Variants in WHRN observed in about 807,000 individuals in gnomAD.
WHRN encodes the protein CASK-interacting protein CIP98.
In WHRN, 41 loss-of-function variants were observed where a neutral mutation model predicts 68.3. The observed-to-expected ratio is 0.60, with a 90% CI of 0.47 to 0.78. The LOEUF is 0.78. WHRN is among the 30% of genes least tolerant of loss of function. The pLI, the probability that WHRN is intolerant of heterozygous loss-of-function variation, is 0.00. For synonymous variants in WHRN, 560 were observed against 561.3 expected (o/e 1.00, Z 0.03); for missense variants, 1,243 against 1,244.7 (o/e 1.00, Z 0.02).
rs183830060 is a variant in WHRN, at chr9:114,455,514, C to T, written c.963+10753G>A. 2.5e-4 allele frequency among the ~76,000 whole-genome samples: 38 copies of T among 152,100 alleles called. No individual in the cohort carries two copies. The East Asian group carries it at 5.2e-3, about 21-fold the overall frequency. On this transcript the variant is annotated intron_variant, in intron 3 of 11. Transcript: ENST00000362057. ...TTGCTTGAGCCCAGGAGTTCAAGACCAGCCTGGGCAACATGACAAAACTCT... is the reference window on the plus strand; with the variant it reads ...TTGCTTGAGCCCAGGAGTTCAAGACTAGCCTGGGCAACATGACAAAACTCT...
intron 3 of WHRN, among the ~76,000 whole-genome samples, chr9:114,453,530 T>C (rs1041228942): frequency 6.6e-6 from 1 of 152,212 alleles, no homozygotes; most frequent in African/African-American, 2.4e-5. Flanking sequence ...GTAGTCCTAA[T>C]GAAGGTGACA....
At chr9:114,494,343 T>C (rs1429207233) in intron 1 of WHRN, among the ~76,000 whole-genome samples, 1 of 152,260 alleles carries the variant, frequency 6.6e-6, no homozygotes, top group Non-Finnish European at 1.5e-5. Flanking sequence ...GACCAATAGA[T>C]GCACCCAGTG....
chr9:114,418,921 C>T (rs376325721), intron 7 of WHRN, among the ~76,000 whole-genome samples: 52 of 152,296 alleles, frequency 3.4e-4, no homozygotes, highest in African/African-American at 1.2e-3. Context: ...TCAACTCCAT[C>T]GTGGAAAGGA....
At chr9:114,482,164 ACAGTAGGTCCT>A (rs1435017987) in intron 1 of WHRN, among the ~76,000 whole-genome samples, 2 of 152,092 alleles carry the variant, frequency 1.3e-5, no homozygotes, top group African/African-American at 4.8e-5. Context: ...CATCTGGTGC[ACAGTAGGTCCT>A]CAATGATGCT....
At chr9:114,486,949 GTGTGTGTGTGTATATATATATA>G (rs1842561812) in intron 1 of WHRN, among the ~76,000 whole-genome samples, 2 of 77,282 alleles carry the variant, frequency 2.6e-5, no homozygotes, top group African/African-American at 1.8e-4. Context: ...TGTTGTGTGT[GTGTGTGTGTGTATATATATATA>G]TATATATATA....
At chr9:114,453,030 AGG>A (rs1055308215) in intron 3 of WHRN, among the ~76,000 whole-genome samples, 2 of 152,204 alleles carry the variant, frequency 1.3e-5, no homozygotes, top group African/African-American at 4.8e-5. Context: ...TCATGGAGGA[AGG>A]GGTGTGGTTA....
chr9:114,419,006 T>A (rs1034400733), intron 7 of WHRN, among the ~76,000 whole-genome samples: 2 of 152,078 alleles, frequency 1.3e-5, no homozygotes, highest in African/African-American at 4.8e-5. Context: ...CAATATTTGT[T>A]AACAGAAAGG....
At chr9:114,484,941 G>C (rs971767916) in intron 1 of WHRN, among the ~76,000 whole-genome samples, 1 of 152,146 alleles carries the variant, frequency 6.6e-6, no homozygotes, top group Admixed American at 6.5e-5. Flanking sequence ...CACAGTGTAG[G>C]GGGCTAATGG....
chr9:114,411,678 C>T (rs1047984852), intron 7 of WHRN, among the ~76,000 whole-genome samples: 9 of 152,108 alleles, frequency 5.9e-5, no homozygotes, highest in African/African-American at 1.7e-4. Flanking sequence ...CGCCAGGCCC[C>T]GTGCTGGGTG....
At chr9:114,504,138 C>T (rs751769667) in intron 1 of WHRN, 46 bp downstream of exon 1, 3 of 1,613,584 alleles carry the variant, frequency 1.9e-6, no homozygotes, top group East Asian at 4.5e-5. Context: ...AGCTGTGCCA[C>T]TCTGTCCATA....
intron 3 of WHRN, among the ~76,000 whole-genome samples, chr9:114,452,294 G>A (rs985549917): frequency 2.6e-5 from 4 of 152,154 alleles, no homozygotes; most frequent in South Asian, 4.1e-4. Context: ...CAGAAACATC[G>A]GGCAGGTGTC....
In WHRN at chr9:114,504,784, G is replaced by C; in HGVS notation, c.18C>G (p.Asp6Glu). Residue 6 changes from aspartate (D) to glutamate (E), a missense_variant, in exon 1 of 12, where the codon GAC becomes GAG. Transcript: ENST00000362057. ...TGGAGGACGAGCTCACCGACAGGCC[G>C]TCCAGCGGCGCGTTCATCTCCACGC... MNAPLDGLSVSSSSTG... is the reference protein window; with the variant it reads MNAPLEGLSVSSSSTG... The C allele has an allele frequency of 6.9e-7, 1 of 1,459,532 alleles. No individual in the cohort carries two copies. Among genetic ancestry groups the C allele is most frequent in the Non-Finnish European group, 8.9e-7 (1 of 1,119,130 alleles). The allele number at this position is 1,459,532 out of a possible 1,614,324, so 90.4% of individuals were successfully genotyped here. A position where few individuals can be genotyped will look rare whatever the true frequency, so the allele number is the denominator to read the frequency against.
At chr9:114,407,884 G>C (rs1835150651) in intron 8 of WHRN, 63 bp downstream of exon 8, 3 of 1,410,618 alleles carry the variant, frequency 2.1e-6, no homozygotes, top group Admixed American at 1.9e-5. Context: ...ATGGAGAGGA[G>C]AGAGCCACCA....
At chr9:114,500,576 A>T (rs1404249479) in intron 1 of WHRN, among the ~76,000 whole-genome samples, 1 of 152,186 alleles carries the variant, frequency 6.6e-6, no homozygotes, top group African/African-American at 2.4e-5. Context: ...GAATCCACCC[A>T]TGGGGGTGCT....
At chr9:114,495,374 A>G (rs985369356) in intron 1 of WHRN, among the ~76,000 whole-genome samples, 1 of 152,188 alleles carries the variant, frequency 6.6e-6, no homozygotes, top group Non-Finnish European at 1.5e-5. Context: ...GCTGGTGGCA[A>G]TGGTGGTGAC....
Position 114,418,530 on chromosome 9 carries a change from G to A in WHRN, c.1626+4784C>T, listed in dbSNP as rs548792261. On this transcript the variant is annotated intron_variant, in intron 7 of 11. Transcript: ENST00000362057. ...ATAATCAGGGGGACCCTGTTAAATCGAAGTCAGACCACATCAGTTCCCTGC... is the reference window on the plus strand; with the variant it reads ...ATAATCAGGGGGACCCTGTTAAATCAAAGTCAGACCACATCAGTTCCCTGC... 5.3e-5 allele frequency among the ~76,000 whole-genome samples: 8 copies of A among 152,286 alleles called. No individual in the cohort carries two copies. In the South Asian group the frequency reaches 1.4e-3, roughly 28 times the overall value.
chr9:114,463,372 C>G, intron 3 of WHRN, among the ~76,000 whole-genome samples: 1 of 152,192 alleles, frequency 6.6e-6, no homozygotes, highest in Non-Finnish European at 1.5e-5. Context: ...GTCTCCTCCA[C>G]CTATTCAAAA....
Position 114,426,370 on chromosome 9 carries a change from T to C in WHRN, c.1007A>G (p.Asn336Ser). 6.2e-7 allele frequency: 1 copy of C among 1,612,076 alleles called. No homozygotes were observed. ...CCTGACAGCCTCGTCGTGTAGGATGTTGAGAAAGCTCCGCCCATTCACTTC... is the reference window on the plus strand; with the variant it reads ...CCTGACAGCCTCGTCGTGTAGGATGCTGAGAAAGCTCCGCCCATTCACTTC... The part of the protein sequence containing the change: ...ILEVNGRSFL[N>S]ILHDEAVRLL... The change falls in exon 4 of 12, where the codon AAC (asparagine) becomes AGC (serine). Residue 336 changes from asparagine to serine, a missense_variant. Transcript: ENST00000362057.
intron 1 of WHRN, among the ~76,000 whole-genome samples, chr9:114,487,745 C>T (rs1842662492): frequency 6.6e-6 from 1 of 152,146 alleles, no homozygotes; most frequent in South Asian, 2.1e-4. Context: ...ATGCCTTATC[C>T]CTTTTGTAGT....
Sources: allele counts gnomAD v4.1 joint callset (sites outside exome capture counted in the v4.1 genomes callset), GRCh38; gene constraint gnomAD v4.1.1; transcripts MANE v1.5; gene names NCBI Gene and HGNC (gene_info 2026-07-23, HGNC 2026-07-21).